Variants in ZNF487 observed in about 807,000 individuals in gnomAD.
ZNF487 encodes KRAB domain only 1.
Under a neutral mutation model 3.0 loss-of-function variants are expected in ZNF487, and 4 were observed. The observed-to-expected ratio is 1.35, with a 90% CI of 0.66 to 3.08. The LOEUF (loss-of-function observed/expected upper bound fraction) is 3.08. Ranked by LOEUF, ZNF487 falls within the 30% of genes most tolerant of loss-of-function variation. The pLI is 0.01. For missense variants in ZNF487, 146 were observed against 98.7 expected (o/e 1.48, Z -2.03); for synonymous variants, 55 against 34.6 (o/e 1.59, Z -2.06).
chr10:43,437,073 G>C, upstream of ZNF487: 1 of 308,820 alleles, frequency 3.2e-6, no homozygotes, highest in Non-Finnish European at 6.4e-6. Flanking sequence ...GCGGGCGCCC[G>C]GGATTCGCGC....
chr10:43,440,686 A>G (rs1187949654), intron 1 of ZNF487, among the ~76,000 whole-genome samples: 1 of 151,824 alleles, frequency 6.6e-6, no homozygotes, highest in Non-Finnish European at 1.5e-5. Flanking sequence ...AAGAAACAGA[A>G]GACTACCCTC....
chr10:43,475,852 G>A lies in ZNF487; in HGVS notation c.34+5G>A. ...ACAGCCTCCTCCTCTCAGTGGGTAA[G>A]GATTATGTAATTTGCAGCTTCAAAT... On this transcript the variant is annotated splice_donor_5th_base_variant and intron_variant, in intron 2 of 3. Transcript: ENST00000437590. 2 of 763,590 alleles carry A rather than the reference G, an allele frequency of 2.6e-6. No homozygotes were observed. The highest frequency in any genetic ancestry group is 1.8e-5 in the Admixed American group (1 of 54,204). 47.3% of individuals were successfully genotyped at this position (763,590 alleles called of 1,614,324 possible). A position where few individuals can be genotyped will look rare whatever the true frequency, so the allele number is the denominator to read the frequency against.
intron 1 of ZNF487, among the ~76,000 whole-genome samples, chr10:43,457,548 C>CT (rs1451228410): frequency 1.5e-5 from 2 of 134,950 alleles, no homozygotes; most frequent in Non-Finnish European, 3.1e-5. Context: ...AAGCAAGACT[C>CT]TGTCTTGGGG....
chr10:43,512,479 A>G, the ZNF487 span, among the ~76,000 whole-genome samples: 1 of 152,232 alleles, frequency 6.6e-6, no homozygotes, highest in African/African-American at 2.4e-5. Flanking sequence ...TTGATGACCC[A>G]TAGTCAAACC....
At chr10:43,455,903 C>T (rs1009813776) in intron 1 of ZNF487, among the ~76,000 whole-genome samples, 1 of 152,228 alleles carries the variant, frequency 6.6e-6, no homozygotes, top group African/African-American at 2.4e-5. Context: ...AGGCGGGCAC[C>T]GCCCGCTCTA....
chr10:43,512,079 T>G, the ZNF487 span, among the ~76,000 whole-genome samples: 13 of 152,330 alleles, frequency 8.5e-5, no homozygotes, highest in East Asian at 1.4e-3. Flanking sequence ...ACTGGGAAGA[T>G]TTCCCTTCAC....
intron 1 of ZNF487, among the ~76,000 whole-genome samples, chr10:43,439,889 G>C (rs941471011): frequency 1.3e-5 from 2 of 152,102 alleles, no homozygotes; most frequent in Non-Finnish European, 2.9e-5. Context: ...GGTTGCTAGA[G>C]GCTGCGGTAA....
chr10:43,437,168 G>A lies in ZNF487; in HGVS notation c.-188G>A. 3.7e-6 allele frequency: 1 copy of A among 271,536 alleles called. No homozygotes were observed. The highest frequency in any genetic ancestry group is 2.7e-5 in the South Asian group (1 of 36,376). 16.8% of individuals were successfully genotyped at this position (271,536 alleles called of 1,614,324 possible). On this transcript the variant is annotated 5_prime_UTR_variant, in exon 1 of 4. Transcript: ENST00000437590. ...GGTCAACAAGCCTGTAAGTTCCTCAGCTACGACTACCAGGTACCTCGGGTT... is the reference window on the plus strand; with the variant it reads ...GGTCAACAAGCCTGTAAGTTCCTCAACTACGACTACCAGGTACCTCGGGTT...
At position 43,478,771 on chromosome 10, in the gene ZNF487, T is replaced by C. The variant is rs545293309; in HGVS notation, c.130+2569T>C. ...TGGAGTTTGAGAATCATATATGAAA[T>C]GTGAACATGAAACCTTAGAATATAA... On this transcript the variant is annotated intron_variant, in intron 3 of 3. Transcript: ENST00000437590. 7.2e-5 allele frequency among the ~76,000 whole-genome samples: 11 copies of C among 152,038 alleles called. No individual in the cohort carries two copies. In the South Asian group the frequency reaches 2.3e-3, roughly 32 times the overall value.
chr10:43,471,662 C>T (rs1267232087), intron 1 of ZNF487, among the ~76,000 whole-genome samples: 1 of 152,162 alleles, frequency 6.6e-6, no homozygotes, highest in Non-Finnish European at 1.5e-5. Flanking sequence ...GGGCAGGTTG[C>T]CTTCCCTGAG....
chr10:43,508,738 C>A, the ZNF487 span, among the ~76,000 whole-genome samples: 1 of 152,116 alleles, frequency 6.6e-6, no homozygotes, highest in East Asian at 1.9e-4. Flanking sequence ...CCCAGCTACT[C>A]GGGAGGCTGA....
intron 1 of ZNF487, among the ~76,000 whole-genome samples, chr10:43,464,977 G>C (rs1166168111): frequency 6.6e-6 from 1 of 151,532 alleles, no homozygotes; most frequent in Non-Finnish European, 1.5e-5. Context: ...CTCCCGGATG[G>C]GGCGGCTGGC....
chr10:43,470,987 T>C (rs775564245), intron 1 of ZNF487, among the ~76,000 whole-genome samples: 4 of 152,024 alleles, frequency 2.6e-5, no homozygotes, highest in Non-Finnish European at 5.9e-5. Context: ...ACCACCACAC[T>C]AATTTTTGTA....
the ZNF487 span, among the ~76,000 whole-genome samples, chr10:43,510,843 G>A: frequency 6.6e-6 from 1 of 152,204 alleles, no homozygotes; most frequent in African/African-American, 2.4e-5. Context: ...ACCGTGCCCG[G>A]CCCTGTAACT....
chr10:43,509,172 T>TG, the ZNF487 span, among the ~76,000 whole-genome samples: 3 of 145,296 alleles, frequency 2.1e-5, no homozygotes, highest in Non-Finnish European at 3.0e-5. Context: ...CCAGCGTGGG[T>TG]GACAGAGCAA....
At position 43,466,937 on chromosome 10, in the gene ZNF487, T is replaced by C. The variant is rs141268846; in HGVS notation, c.-93-8784T>C. On this transcript the variant is annotated intron_variant, in intron 1 of 3. Coordinates refer to ENST00000437590, the MANE Select transcript of ZNF487 (RefSeq NM_001355444.3). The stretch of plus-strand genomic sequence containing the variant: ...AGGCTGGATTGCAATGGCGTGATCT[T>C]GGCTCACTGCAACCTCCACCTCCTA... Among the ~76,000 whole-genome samples the C allele has an allele frequency of 6.1e-3, 929 of 151,966 alleles. 10 individuals carry two copies. The highest frequency in any genetic ancestry group is 0.018 in the African/African-American group (735 of 41,480).
At chr10:43,495,948 T>C in the ZNF487 span, 17 of 482,540 alleles carry the variant, frequency 3.5e-5, no homozygotes, top group East Asian at 9.8e-4. Context: ...TGACAAGATA[T>C]TAGATCCCAA....
At chr10:43,446,682 C>T (rs1220466369) in intron 1 of ZNF487, among the ~76,000 whole-genome samples, 5 of 149,914 alleles carry the variant, frequency 3.3e-5, no homozygotes, top group Admixed American at 6.6e-5. Context: ...GGATGACGGC[C>T]GGGAAGAGGC....
chr10:43,472,747 C>T (rs1201655289), intron 1 of ZNF487, among the ~76,000 whole-genome samples: 1 of 152,208 alleles, frequency 6.6e-6, no homozygotes, highest in East Asian at 1.9e-4. Context: ...CCAGGCATAA[C>T]ACCACCTTTG....
Sources: allele counts gnomAD v4.1 joint callset (sites outside exome capture counted in the v4.1 genomes callset), GRCh38; gene constraint gnomAD v4.1.1; transcripts MANE v1.5; gene names NCBI Gene and HGNC (gene_info 2026-07-23, HGNC 2026-07-21).